The following VPS13C variants were observed in gnomAD, a reference collection of about 807,000 sequenced individuals.
VPS13C encodes intermembrane lipid transfer protein VPS13C.
In VPS13C, 358 loss-of-function variants were observed where a neutral mutation model predicts 456.8. That is an observed-to-expected ratio of 0.78 (90% CI 0.72 to 0.86). The LOEUF (loss-of-function observed/expected upper bound fraction) is 0.86, where lower values mean the gene tolerates loss of function less well. Among genes scored for constraint, VPS13C ranks in the 40% least tolerant of loss-of-function variants. VPS13C has a pLI of 0.00. For synonymous variants in VPS13C, 1,578 were observed against 1,486.7 expected (o/e 1.06, Z -1.41); for missense variants, 4,818 against 4,385.4 (o/e 1.10, Z -2.79).
chr15:61,949,710 T>C (rs1316439042), intron 41 of VPS13C, 105 bp from the exon 42 acceptor site: 2 of 1,050,238 alleles, frequency 1.9e-6, no homozygotes, highest in Non-Finnish European at 2.6e-6. Flanking sequence ...TTAAGGGCCT[T>C]TTTAAAATTT....
At position 61,966,138 on chromosome 15, in the gene VPS13C, T is replaced by C; in HGVS notation, c.2996A>G (p.Asp999Gly). 6.2e-7 allele frequency: 1 copy of C among 1,603,182 alleles called. No individual in the cohort carries two copies. Among genetic ancestry groups the C allele is most frequent in the Non-Finnish European group, 8.5e-7 (1 of 1,174,224 alleles). The change falls in exon 30 of 85, where the codon GAT becomes GGT. Residue 999 changes from aspartate to glycine, a missense_variant. Coordinates refer to ENST00000644861, the MANE Select transcript of VPS13C (RefSeq NM_020821.3). ...AGTTTGAAAACTAGGTCCATTCTTATCAGCCTGAAAAAAGAAGTAAAAGTT... is the reference window on the plus strand; with the variant it reads ...AGTTTGAAAACTAGGTCCATTCTTACCAGCCTGAAAAAAGAAGTAAAAGTT... Reference protein sequence around the residue: ...DLLKVEYIKADKNGPSFQTAF... With the variant: ...DLLKVEYIKAGKNGPSFQTAF...
intron 4 of VPS13C, among the ~76,000 whole-genome samples, chr15:62,033,966 A>G (rs2047903999): frequency 6.6e-6 from 1 of 151,498 alleles, no homozygotes; most frequent in South Asian, 2.1e-4. Context: ...CATATCAACA[A>G]TCATAAAATA....
intron 15 of VPS13C, among the ~76,000 whole-genome samples, chr15:62,001,885 A>G (rs1479476271): frequency 6.6e-6 from 1 of 152,214 alleles, no homozygotes; most frequent in Non-Finnish European, 1.5e-5. Flanking sequence ...TCCATGGTGT[A>G]TATGTGCCAC....
chr15:62,009,632 C>T (rs1306791084), intron 13 of VPS13C, among the ~76,000 whole-genome samples: 1 of 152,042 alleles, frequency 6.6e-6, no homozygotes, highest in East Asian at 1.9e-4. Flanking sequence ...GTTAACACAG[C>T]TACTAGAAAA....
intron 66 of VPS13C, among the ~76,000 whole-genome samples, chr15:61,898,611 G>T (rs971902980): frequency 6.7e-6 from 1 of 149,778 alleles, no homozygotes; most frequent in Non-Finnish European, 1.5e-5. Flanking sequence ...AGCAAGTCCT[G>T]AGTGACCTAC....
At chr15:62,046,263 C>G (rs12901575) in intron 1 of VPS13C, among the ~76,000 whole-genome samples, 80,421 of 151,854 alleles carry the variant, frequency 0.53, 21,534 homozygotes, top group Admixed American at 0.61. Context: ...GGGTGAAAGA[C>G]GTAGAGTCAT....
intron 1 of VPS13C, among the ~76,000 whole-genome samples, chr15:62,048,082 T>C (rs1596533204): frequency 6.7e-6 from 1 of 150,020 alleles, no homozygotes; most frequent in East Asian, 1.9e-4. Context: ...TTTTTTTTTT[T>C]CATTTGTTCT....
At chr15:62,043,744 G>A (rs2048313501) in intron 2 of VPS13C, among the ~76,000 whole-genome samples, 1 of 152,182 alleles carries the variant, frequency 6.6e-6, no homozygotes, top group Non-Finnish European at 1.5e-5. Flanking sequence ...GGAGGGCATT[G>A]TTTTGTTTGT....
chr15:61,958,585 G>A, intron 37 of VPS13C, 23 bp downstream of exon 37: 1 of 1,283,566 alleles, frequency 7.8e-7, no homozygotes, highest in Non-Finnish European at 1.1e-6. Flanking sequence ...TATGTATATT[G>A]CCACTTACTG....
At chr15:61,959,686 C>T (rs2045130070) in intron 35 of VPS13C, 91 bp from the exon 36 acceptor site, 8 of 1,255,778 alleles carry the variant, frequency 6.4e-6, no homozygotes, top group Non-Finnish European at 8.8e-6. Context: ...TTATTTGCTG[C>T]TCTAAATACT....
chr15:61,915,531 T>G (rs2043443555), intron 61 of VPS13C, 102 bp downstream of exon 61: 1 of 1,245,176 alleles, frequency 8.0e-7, no homozygotes, highest in African/African-American at 1.5e-5. Flanking sequence ...ACCAATGGCA[T>G]TTAGCAAATA....
At chr15:61,990,520 A>C (rs1405251574) in intron 18 of VPS13C, among the ~76,000 whole-genome samples, 1 of 152,126 alleles carries the variant, frequency 6.6e-6, no homozygotes, top group Non-Finnish European at 1.5e-5. Flanking sequence ...ACTTAAATCT[A>C]AAGTTGGAGG....
chr15:61,950,772 T>C (rs2044761616), intron 40 of VPS13C, among the ~76,000 whole-genome samples, 173 bp downstream of exon 40: 1 of 151,994 alleles, frequency 6.6e-6, no homozygotes, highest in South Asian at 2.1e-4. Flanking sequence ...TATCATAGGG[T>C]AACTCAGAAG....
At chr15:61,990,299 A>G (rs926920043) in intron 18 of VPS13C, among the ~76,000 whole-genome samples, 1 of 152,206 alleles carries the variant, frequency 6.6e-6, no homozygotes. Flanking sequence ...CTAAGGTGAC[A>G]GCAATATTCT....
intron 71 of VPS13C, 63 bp from the exon 72 acceptor site, chr15:61,881,017 A>C: frequency 7.3e-7 from 1 of 1,372,734 alleles, no homozygotes; most frequent in South Asian, 1.3e-5. Context: ...TCAATGTTAA[A>C]ACTTTGATTT....
chr15:61,920,843 G>A (rs1231491978), intron 55 of VPS13C, among the ~76,000 whole-genome samples, 196 bp from the exon 56 acceptor site: 1 of 152,042 alleles, frequency 6.6e-6, no homozygotes, highest in Non-Finnish European at 1.5e-5. Flanking sequence ...GTCCAAGCAT[G>A]GGGAAAAGTT....
chr15:61,928,980 A>G (rs2043963179), intron 51 of VPS13C, among the ~76,000 whole-genome samples: 1 of 152,180 alleles, frequency 6.6e-6, no homozygotes, highest in Non-Finnish European at 1.5e-5. Context: ...AAAATCACTG[A>G]TCTACTGGAT....
chr15:61,955,122 C>T (rs1229911547), intron 37 of VPS13C, among the ~76,000 whole-genome samples: 1 of 151,992 alleles, frequency 6.6e-6, no homozygotes, highest in African/African-American at 2.4e-5. Context: ...ATTCGTACAC[C>T]CTGAAATGCA....
chr15:62,024,638 A>T (rs1032626229), intron 6 of VPS13C, among the ~76,000 whole-genome samples: 1 of 152,030 alleles, frequency 6.6e-6, no homozygotes, highest in East Asian at 1.9e-4. Flanking sequence ...TAAAATACTA[A>T]TCACATCCTG....
Sources: allele counts gnomAD v4.1 joint callset (sites outside exome capture counted in the v4.1 genomes callset), GRCh38; gene constraint gnomAD v4.1.1; transcripts MANE v1.5; gene names NCBI Gene and HGNC (gene_info 2026-07-23, HGNC 2026-07-21).